The following GNAQ variants were observed in gnomAD, a reference collection of about 807,000 sequenced individuals.
The protein encoded by GNAQ is guanine nucleotide-binding protein G(q) subunit alpha.
A neutral mutation model predicts 43.9 loss-of-function variants in GNAQ; 8 were observed. That is an observed-to-expected ratio of 0.18 (90% CI 0.11 to 0.33). GNAQ has a LOEUF of 0.33. GNAQ is among the 10% of genes least tolerant of loss of function. The pLI, the probability that GNAQ is intolerant of heterozygous loss-of-function variation, is 1.00. For missense variants in GNAQ, 158 were observed against 450.8 expected (o/e 0.35, Z 5.88); for synonymous variants, 155 against 170.7 (o/e 0.91, Z 0.71).
intron 2 of GNAQ, among the ~76,000 whole-genome samples, chr9:77,838,657 A>G (rs1827434268): frequency 1.3e-5 from 2 of 151,912 alleles, no homozygotes; most frequent in South Asian, 4.2e-4. Flanking sequence ...ACCTCAGGTG[A>G]TCCACCCACC....
intron 2 of GNAQ, among the ~76,000 whole-genome samples, chr9:77,881,860 G>C (rs1299906420): frequency 6.6e-6 from 1 of 152,192 alleles, no homozygotes; most frequent in African/African-American, 2.4e-5. Flanking sequence ...ATTATGGGCC[G>C]GGCATGGTGG....
chr9:77,984,048 GC>G (rs1489413564), intron 1 of GNAQ, among the ~76,000 whole-genome samples: 19 of 24,730 alleles, frequency 7.7e-4, no homozygotes, highest in African/African-American at 1.0e-3. Context: ...ATTTTGGAGA[GC>G]AAAAAAAAAA....
chr9:77,980,258 T>A (rs1823352974), intron 1 of GNAQ, among the ~76,000 whole-genome samples: 1 of 152,200 alleles, frequency 6.6e-6, no homozygotes, highest in Non-Finnish European at 1.5e-5. Context: ...GCATAGCCCC[T>A]GGTGCTCATA....
intron 2 of GNAQ, among the ~76,000 whole-genome samples, chr9:77,896,657 T>A (rs1454639660): frequency 6.6e-6 from 1 of 152,232 alleles, no homozygotes; most frequent in Non-Finnish European, 1.5e-5. Context: ...TTTGTTCCAA[T>A]CAGGATACAA....
chr9:77,833,725 C>T (rs1300258501), intron 2 of GNAQ, among the ~76,000 whole-genome samples: 1 of 152,168 alleles, frequency 6.6e-6, no homozygotes, highest in Non-Finnish European at 1.5e-5. Flanking sequence ...TCCACTTCCT[C>T]TCTAGGAAAT....
At chr9:77,972,452 C>T (rs902957056) in intron 1 of GNAQ, among the ~76,000 whole-genome samples, 6 of 151,886 alleles carry the variant, frequency 4.0e-5, no homozygotes, top group South Asian at 2.1e-4. Context: ...CAAGTAACAT[C>T]GGTTCCATTT....
At position 77,934,062 on chromosome 9, in the gene GNAQ, T is replaced by C. The variant is rs149981311; in HGVS notation, c.137-11717A>G. On this transcript the variant is annotated intron_variant, in intron 1 of 6. Transcript: ENST00000286548. ...GAAAAGGCCTAAGATGGATTTGAAATGCCATTTTCCACCTTATTGCATATT... is the reference window on the plus strand; with the variant it reads ...GAAAAGGCCTAAGATGGATTTGAAACGCCATTTTCCACCTTATTGCATATT... Among the ~76,000 whole-genome samples the C allele has an allele frequency of 9.9e-4, 150 of 152,278 alleles. No individual in the cohort carries two copies. The East Asian group carries it at 0.024, about 24-fold the overall frequency.
At chr9:77,919,065 A>G (rs573852678) in intron 2 of GNAQ, among the ~76,000 whole-genome samples, 19 of 152,174 alleles carry the variant, frequency 1.2e-4, no homozygotes, top group African/African-American at 4.6e-4. Context: ...GATTACAGGC[A>G]TGTGCCACCA....
At chr9:77,916,509 C>T (rs1030476709) in intron 2 of GNAQ, among the ~76,000 whole-genome samples, 2 of 152,082 alleles carry the variant, frequency 1.3e-5, no homozygotes, top group South Asian at 2.1e-4. Context: ...TCAGGAAGTA[C>T]AGAAAATTCA....
chr9:77,835,209 TTC>T, intron 2 of GNAQ, among the ~76,000 whole-genome samples: 1 of 151,998 alleles, frequency 6.6e-6, no homozygotes, highest in South Asian at 2.1e-4. Flanking sequence ...ATTTCTGGAT[TTC>T]TCCATTTAAT....
intron 1 of GNAQ, among the ~76,000 whole-genome samples, chr9:77,998,227 C>T (rs1402475321): frequency 1.3e-5 from 2 of 152,186 alleles, no homozygotes; most frequent in South Asian, 2.1e-4. Context: ...ACAGTTCACC[C>T]GCAAGAGCAG....
chr9:77,947,579 T>C (rs1251671853), intron 1 of GNAQ, among the ~76,000 whole-genome samples: 1 of 152,168 alleles, frequency 6.6e-6, no homozygotes, highest in Non-Finnish European at 1.5e-5. Flanking sequence ...TTCACCAAAA[T>C]GTTACAAGGG....
intron 2 of GNAQ, among the ~76,000 whole-genome samples, chr9:77,904,570 G>C (rs1405005738): frequency 6.6e-6 from 1 of 151,960 alleles, no homozygotes; most frequent in Non-Finnish European, 1.5e-5. Context: ...CTGACCTCAT[G>C]ATCTGCCCGC....
chr9:77,722,907 G>T (rs1353250206), intron 6 of GNAQ, among the ~76,000 whole-genome samples: 1 of 152,172 alleles, frequency 6.6e-6, no homozygotes, highest in East Asian at 1.9e-4. Flanking sequence ...GCCTCCCAAA[G>T]TGCTGGGATT....
intron 2 of GNAQ, among the ~76,000 whole-genome samples, chr9:77,821,957 G>A (rs1248388830): frequency 6.6e-6 from 1 of 152,120 alleles, no homozygotes; most frequent in Non-Finnish European, 1.5e-5. Context: ...GGAAAATTAA[G>A]TTAATGGAAA....
rs1344961073 is a variant in GNAQ, at chr9:77,717,111, G to A, written c.*4212C>T. 1.3e-5 allele frequency: 3 copies of A among 232,332 alleles called. No homozygotes were observed. Among genetic ancestry groups the A allele is most frequent in the Non-Finnish European group, 2.6e-5 (3 of 117,626 alleles). The allele number at this position is 232,332 out of a possible 1,614,324, so 14.4% of individuals were successfully genotyped here. ...TGAAATCCCAAAGACACAGTTACCA[G>A]GACAGATCTATTAACGCTACATATG... On this transcript the variant is annotated 3_prime_UTR_variant, in exon 7 of 7. Transcript: ENST00000286548.
chr9:77,893,124 A>G (rs1311069265), intron 2 of GNAQ, among the ~76,000 whole-genome samples: 1 of 152,216 alleles, frequency 6.6e-6, no homozygotes, highest in African/African-American at 2.4e-5. Flanking sequence ...GTCACTGGGT[A>G]AAATGAGGCT....
chr9:77,740,899 T>C (rs928583916), intron 5 of GNAQ, among the ~76,000 whole-genome samples: 1 of 152,192 alleles, frequency 6.6e-6, no homozygotes, highest in South Asian at 2.1e-4. Flanking sequence ...TATTCCAGTT[T>C]GTTGGCCACA....
intron 5 of GNAQ, among the ~76,000 whole-genome samples, chr9:77,730,001 A>T (rs948585710): frequency 3.9e-5 from 6 of 152,192 alleles, no homozygotes; most frequent in Admixed American, 2.6e-4. Flanking sequence ...TTTCATGCAG[A>T]GTGTGGAAAA....
Sources: allele counts gnomAD v4.1 joint callset (sites outside exome capture counted in the v4.1 genomes callset), GRCh38; gene constraint gnomAD v4.1.1; transcripts MANE v1.5; gene names NCBI Gene and HGNC (gene_info 2026-07-23, HGNC 2026-07-21).